EPB41L3: variants seen among roughly 807,000 people sequenced by gnomAD.
EPB41L3 encodes the protein band 4.1-like protein 3.
In EPB41L3, 57 loss-of-function variants were observed where a neutral mutation model predicts 127.1. That is an observed-to-expected ratio of 0.45 (90% CI 0.36 to 0.56). The LOEUF (loss-of-function observed/expected upper bound fraction) is 0.56, where lower values mean the gene tolerates loss of function less well. EPB41L3 is among the 20% of genes least tolerant of loss of function. EPB41L3 has a pLI of 0.00. For missense variants in EPB41L3, 1,273 were observed against 1,372.2 expected (o/e 0.93, Z 1.14); for synonymous variants, 572 against 549.5 (o/e 1.04, Z -0.57).
In EPB41L3 at chr18:5,398,354, T is replaced by A; in HGVS notation, c.2350-211A>T. The A allele has an allele frequency of 8.2e-6, 5 of 609,186 alleles. No homozygotes were observed. In the South Asian group the frequency reaches 1.1e-4, roughly 13 times the overall value. The allele number at this position is 609,186 out of a possible 1,614,324, so 37.7% of individuals were successfully genotyped here. Reference sequence around the variant, plus strand: ...GGTAAAGCAGAGACGGTTATTAGGATCAGGGTGGCGCCGATTTAAGCAGAT... The same window carrying A: ...GGTAAAGCAGAGACGGTTATTAGGAACAGGGTGGCGCCGATTTAAGCAGAT... On this transcript the variant is annotated intron_variant, in intron 16 of 22. Transcript: ENST00000341928.
intron 1 of EPB41L3, among the ~76,000 whole-genome samples, chr18:5,515,900 C>G (rs1598522957): frequency 6.6e-6 from 1 of 152,162 alleles, no homozygotes; most frequent in Middle Eastern, 3.2e-3. Flanking sequence ...TAGAGGAGGA[C>G]CTGCTGCAAT....
chr18:5,524,182 T>C (rs956661503), intron 1 of EPB41L3, among the ~76,000 whole-genome samples: 1 of 151,290 alleles, frequency 6.6e-6, no homozygotes, highest in African/African-American at 2.4e-5. Context: ...TTTTTTTTTG[T>C]TGTTGTTGTT....
intron 1 of EPB41L3, among the ~76,000 whole-genome samples, chr18:5,530,586 C>T (rs1344835999): frequency 6.6e-6 from 1 of 152,076 alleles, no homozygotes; most frequent in African/African-American, 2.4e-5. Flanking sequence ...ACTCGTCAGC[C>T]ACACGAATGT....
chr18:5,428,007 G>A (rs928003923), intron 9 of EPB41L3, among the ~76,000 whole-genome samples: 1 of 151,750 alleles, frequency 6.6e-6, no homozygotes, highest in Non-Finnish European at 1.5e-5. Context: ...CCCCGCCCCC[G>A]GCCTCCCAAA....
Position 5,434,018 on chromosome 18 carries a change from G to A in EPB41L3, c.709C>T (p.Leu237Phe). The change falls in exon 7 of 23, where the codon CTC (leucine) becomes TTC (phenylalanine). Residue 237 changes from leucine (L) to phenylalanine (F), a missense_variant. Leu to Phe is a conservative substitution (Grantham distance 22). Around this residue, in one of 3 missense-constraint regions of EPB41L3, gnomAD observed 326 missense variants for 440.2 expected, o/e 0.74. Transcript: ENST00000341928. ...CATTCATCTGGGTCATAGTCTCCGAGCTCTGACTGGACAGTGTAGGAGCCC... is the reference window on the plus strand; with the variant it reads ...CATTCATCTGGGTCATAGTCTCCGAACTCTGACTGGACAGTGTAGGAGCCC... ...LLGSYTVQSE[L>F]GDYDPDECGS... The A allele has an allele frequency of 6.2e-7, 1 of 1,614,146 alleles. No individual in the cohort carries two copies. The highest frequency in any genetic ancestry group is 1.1e-5 in the South Asian group (1 of 91,090).
At chr18:5,434,744 T>C (rs1036993899) in intron 6 of EPB41L3, among the ~76,000 whole-genome samples, 3 of 152,256 alleles carry the variant, frequency 2.0e-5, no homozygotes, top group African/African-American at 7.2e-5. Flanking sequence ...AACTTAATAC[T>C]TGATAACAAG....
chr18:5,597,126 T>C (rs757658370), intron 3 of EPB41L3, among the ~76,000 whole-genome samples: 45 of 152,128 alleles, frequency 3.0e-4, no homozygotes, highest in Non-Finnish European at 5.6e-4. Context: ...TTTCACACCC[T>C]TGCCTCACCT....
chr18:5,451,939 A>C (rs1173825236), intron 3 of EPB41L3, among the ~76,000 whole-genome samples: 1 of 152,150 alleles, frequency 6.6e-6, no homozygotes, highest in East Asian at 1.9e-4. Flanking sequence ...CCCGGGTCCA[A>C]GTGATTCTCT....
intron 1 of EPB41L3, among the ~76,000 whole-genome samples, chr18:5,542,860 G>T (rs1369957697): frequency 1.3e-5 from 2 of 152,204 alleles, no homozygotes; most frequent in Admixed American, 6.5e-5. Context: ...GGGCGTGGGG[G>T]GGAAGGGGAA....
intron 3 of EPB41L3, among the ~76,000 whole-genome samples, chr18:5,582,528 GTA>G (rs1456739574): frequency 6.6e-6 from 1 of 152,206 alleles, no homozygotes; most frequent in Non-Finnish European, 1.5e-5. Context: ...ATGCTAAACA[GTA>G]TATGTTTAAG....
chr18:5,553,526 A>T (rs1325257245), intron 3 of EPB41L3, among the ~76,000 whole-genome samples: 1 of 152,232 alleles, frequency 6.6e-6, no homozygotes, highest in African/African-American at 2.4e-5. Flanking sequence ...AATTTCAAAA[A>T]GCTGTGCCCA....
intron 1 of EPB41L3, among the ~76,000 whole-genome samples, chr18:5,506,159 C>T (rs2092183437): frequency 6.6e-6 from 1 of 152,088 alleles, no homozygotes; most frequent in African/African-American, 2.4e-5. Flanking sequence ...TACCTCCCAA[C>T]TGGTCTCCCT....
intron 3 of EPB41L3, among the ~76,000 whole-genome samples, chr18:5,447,295 A>C (rs1349255526): frequency 6.6e-6 from 1 of 152,186 alleles, no homozygotes; most frequent in Non-Finnish European, 1.5e-5. Context: ...GACAAACAGT[A>C]GAATAACTAA....
At chr18:5,443,544 A>C (rs553023779) in intron 5 of EPB41L3, among the ~76,000 whole-genome samples, 4 of 152,244 alleles carry the variant, frequency 2.6e-5, no homozygotes, top group Non-Finnish European at 5.9e-5. Context: ...GACTGTTGGA[A>C]CATTAATAAT....
chr18:5,524,709 C>G (rs1322587945), intron 1 of EPB41L3, among the ~76,000 whole-genome samples: 1 of 152,198 alleles, frequency 6.6e-6, no homozygotes, highest in Admixed American at 6.5e-5. Context: ...TCTATCTTAA[C>G]CACTCAAAAA....
intron 5 of EPB41L3, among the ~76,000 whole-genome samples, chr18:5,438,467 A>C (rs1598935354): frequency 3.3e-5 from 5 of 152,168 alleles, no homozygotes; most frequent in Admixed American, 3.3e-4. Context: ...TATTGCTGCG[A>C]ATTTCTGCAT....
chr18:5,570,538 A>G (rs1423537396), intron 3 of EPB41L3, among the ~76,000 whole-genome samples: 1 of 151,856 alleles, frequency 6.6e-6, no homozygotes, highest in Non-Finnish European at 1.5e-5. Flanking sequence ...CAACTGGCTC[A>G]CCAGCTTCTA....
At chr18:5,611,687 G>A (rs527804707) in intron 3 of EPB41L3, among the ~76,000 whole-genome samples, 6 of 152,288 alleles carry the variant, frequency 3.9e-5, no homozygotes, top group African/African-American at 1.4e-4. Flanking sequence ...CAACATTTTA[G>A]GAGGCTGAGG....
upstream of EPB41L3, among the ~76,000 whole-genome samples, chr18:5,547,069 C>G (rs2093893312): frequency 7.9e-6 from 1 of 126,374 alleles, no homozygotes; most frequent in Non-Finnish European, 1.7e-5. Flanking sequence ...TAAGTAAAAG[C>G]AATAATGAAA....
Sources: allele counts gnomAD v4.1 joint callset (sites outside exome capture counted in the v4.1 genomes callset), GRCh38; gene constraint gnomAD v4.1.1; regional missense constraint gnomAD v4.1.1; transcripts MANE v1.5; gene names NCBI Gene and HGNC (gene_info 2026-07-23, HGNC 2026-07-21).